The following ARHGAP6 variants were observed in gnomAD, a reference collection of about 807,000 sequenced individuals.
ARHGAP6 encodes the protein Rho GTPase activating protein 6.
ARHGAP6 carries 16 observed loss-of-function variants against 55.7 expected under a neutral mutation model. The ratio of observed to expected loss-of-function variants is 0.29; its 90% CI spans 0.19 to 0.44. The LOEUF (loss-of-function observed/expected upper bound fraction) is 0.44, where lower values mean the gene tolerates loss of function less well. Ranked by LOEUF, ARHGAP6 falls within the 20% of genes least tolerant of loss-of-function variation. ARHGAP6 has a pLI of 1.00. For missense variants in ARHGAP6, 698 were observed against 808.9 expected (o/e 0.86, Z 1.66); for synonymous variants, 382 against 360.9 (o/e 1.06, Z -0.66).
Position 11,623,068 on chromosome X carries a change from T to C in ARHGAP6, c.588+41173A>G, listed in dbSNP as rs528619071. 5.4e-5 allele frequency among the ~76,000 whole-genome samples: 6 copies of C among 111,438 alleles called. No individual in the cohort carries two copies. The Admixed American group carries it at 5.7e-4, about 11-fold the overall frequency. ...GTGCTGGATGTCATAGCCAGAGCAA[T>C]AAGACGAGGAAAATAAATAAAGGAC... On this transcript the variant is annotated intron_variant, in intron 1 of 12. Coordinates refer to ENST00000337414, the MANE Select transcript of ARHGAP6 (RefSeq NM_013427.3).
At chrX:11,282,133 G>T (rs5978429) in intron 1 of ARHGAP6, among the ~76,000 whole-genome samples, 19,094 of 111,172 alleles carry the variant, frequency 0.17, 1,308 homozygotes, top group Middle Eastern at 0.28. Flanking sequence ...TCTACAAAAT[G>T]GTAAAACAAC....
At chrX:11,653,101 C>T (rs748335428) in intron 1 of ARHGAP6, among the ~76,000 whole-genome samples, 66 of 112,046 alleles carry the variant, frequency 5.9e-4, no homozygotes, top group Admixed American at 2.6e-3. Flanking sequence ...AAAAACACAC[C>T]TGGCTTGAAA....
chrX:11,228,357 T>C (rs1240772968), intron 2 of ARHGAP6, among the ~76,000 whole-genome samples: 1 of 112,114 alleles, frequency 8.9e-6, no homozygotes, highest in African/African-American at 3.2e-5. Flanking sequence ...TGGAGCTCCA[T>C]GTATTGATTA....
intron 1 of ARHGAP6, among the ~76,000 whole-genome samples, chrX:11,548,555 G>GC: frequency 9.0e-6 from 1 of 111,669 alleles, no homozygotes; most frequent in East Asian, 2.8e-4. Flanking sequence ...CATAATGTCA[G>GC]CCAGGCTCAT....
chrX:11,570,436 CAATA>C (rs2051499282), intron 1 of ARHGAP6, among the ~76,000 whole-genome samples: 1 of 110,798 alleles, frequency 9.0e-6, no homozygotes, highest in Non-Finnish European at 1.9e-5. Flanking sequence ...TTGGAGATAA[CAATA>C]ATAATAATAA....
intron 1 of ARHGAP6, among the ~76,000 whole-genome samples, chrX:11,345,208 C>G (rs905771612): frequency 1.8e-5 from 2 of 111,742 alleles, no homozygotes; most frequent in African/African-American, 6.5e-5. Flanking sequence ...ATCGTTCATA[C>G]TATGCACCAG....
At chrX:11,228,148 C>A (rs1194750761) in intron 2 of ARHGAP6, among the ~76,000 whole-genome samples, 1 of 111,579 alleles carries the variant, frequency 9.0e-6, no homozygotes, top group East Asian at 2.8e-4. Context: ...GTTATGTGGA[C>A]TATTAGTGAT....
intron 1 of ARHGAP6, among the ~76,000 whole-genome samples, chrX:11,307,785 C>G (rs1015797753): frequency 9.0e-6 from 1 of 111,144 alleles, no homozygotes; most frequent in African/African-American, 3.3e-5. Flanking sequence ...CTTTTTTTTC[C>G]CCGTTCTGGT....
At chrX:11,227,696 A>G (rs183010983) in intron 2 of ARHGAP6, among the ~76,000 whole-genome samples, 3 of 106,989 alleles carry the variant, frequency 2.8e-5, no homozygotes, top group African/African-American at 3.4e-5. Context: ...TTTCCTCCCA[A>G]CTCTCCAGAT....
intron 1 of ARHGAP6, among the ~76,000 whole-genome samples, chrX:11,642,770 G>T (rs990933935): frequency 9.0e-6 from 1 of 111,393 alleles, no homozygotes; most frequent in Non-Finnish European, 1.9e-5. Context: ...AAGTAGATTA[G>T]ACAGAAACTG....
At chrX:11,645,521 T>C (rs1383504907) in intron 1 of ARHGAP6, among the ~76,000 whole-genome samples, 1 of 111,934 alleles carries the variant, frequency 8.9e-6, no homozygotes, top group Non-Finnish European at 1.9e-5. Context: ...TGGAAAATGG[T>C]TTTATTTTAA....
intron 1 of ARHGAP6, among the ~76,000 whole-genome samples, chrX:11,539,205 C>A (rs12833083): frequency 9.0e-6 from 1 of 111,501 alleles, no homozygotes; most frequent in Non-Finnish European, 1.9e-5. Flanking sequence ...CCTCTACCCA[C>A]TAGGTGTTAC....
At chrX:11,196,838 G>T in intron 3 of ARHGAP6, 87 bp downstream of exon 3, 2 of 549,796 alleles carry the variant, frequency 3.6e-6, no homozygotes, top group South Asian at 2.6e-5. Context: ...GTTGAACCAC[G>T]TATATCTATG....
At chrX:11,371,602 T>C (rs964735041) in intron 1 of ARHGAP6, among the ~76,000 whole-genome samples, 37 of 112,475 alleles carry the variant, frequency 3.3e-4, no homozygotes, top group Non-Finnish European at 6.4e-4. Flanking sequence ...TGGAGAGATT[T>C]GGAATAAAAA....
At chrX:11,213,103 G>C (rs1047606807) in intron 2 of ARHGAP6, among the ~76,000 whole-genome samples, 2 of 112,710 alleles carry the variant, frequency 1.8e-5, no homozygotes, top group Admixed American at 1.9e-4. Context: ...GCCGGGAATG[G>C]GGAGTGCTCG....
chrX:11,520,847 C>T (rs1255146647), intron 1 of ARHGAP6, among the ~76,000 whole-genome samples: 19 of 111,601 alleles, frequency 1.7e-4, no homozygotes, highest in African/African-American at 3.3e-4. Context: ...TTTGAATGAT[C>T]GCCATTCTAA....
intron 1 of ARHGAP6, among the ~76,000 whole-genome samples, chrX:11,500,427 G>C (rs898254195): frequency 6.3e-5 from 7 of 110,725 alleles, no homozygotes; most frequent in African/African-American, 2.3e-4. Flanking sequence ...TTGTGAGGCC[G>C]AGGTGGGTGG....
chrX:11,377,819 G>C (rs1478830476), intron 1 of ARHGAP6, among the ~76,000 whole-genome samples: 1 of 111,742 alleles, frequency 8.9e-6, no homozygotes, highest in Non-Finnish European at 1.9e-5. Context: ...AGGGACAGTT[G>C]AGAAGTGGAG....
chrX:11,622,800 T>C (rs973665737), intron 1 of ARHGAP6, among the ~76,000 whole-genome samples: 2 of 111,738 alleles, frequency 1.8e-5, no homozygotes, highest in African/African-American at 6.5e-5. Flanking sequence ...ATTAGAAATT[T>C]TGCTGTTTCC....
Sources: allele counts gnomAD v4.1 joint callset (sites outside exome capture counted in the v4.1 genomes callset), GRCh38; gene constraint gnomAD v4.1.1; transcripts MANE v1.5; gene names NCBI Gene and HGNC (gene_info 2026-07-23, HGNC 2026-07-21).